The following ELOVL5 variants were observed in gnomAD, a reference collection of about 807,000 sequenced individuals.
The protein encoded by ELOVL5 is ELOVL fatty acid elongase 5.
In ELOVL5, 8 loss-of-function variants were observed where a neutral mutation model predicts 38.6. The observed-to-expected ratio is 0.21, with a 90% CI of 0.12 to 0.37. The LOEUF (loss-of-function observed/expected upper bound fraction) is 0.37, where lower values mean the gene tolerates loss of function less well. ELOVL5 is among the 10% of genes least tolerant of loss of function. The pLI is 1.00. For missense variants in ELOVL5, 280 were observed against 367.8 expected, an observed-to-expected ratio of 0.76 and a Z score of 1.95; for synonymous variants, 127 against 133.7, an observed-to-expected ratio of 0.95 and a Z score of 0.34.
chr6:53,286,190 G>C (rs1275050629), intron 3 of ELOVL5, among the ~76,000 whole-genome samples: 1 of 152,100 alleles, frequency 6.6e-6, no homozygotes, highest in African/African-American at 2.4e-5. Context: ...GCATTTATCT[G>C]GTCAAAAAAC....
intron 1 of ELOVL5, among the ~76,000 whole-genome samples, chr6:53,308,601 T>C (rs539454426): frequency 4.2e-4 from 64 of 152,298 alleles, no homozygotes; most frequent in African/African-American, 1.1e-3. Flanking sequence ...TCTAATTCAA[T>C]AGATGCTAGG....
intron 1 of ELOVL5, among the ~76,000 whole-genome samples, chr6:53,301,485 T>G (rs1037271159): frequency 2.6e-5 from 4 of 152,294 alleles, no homozygotes; most frequent in African/African-American, 4.8e-5. Context: ...TGGCCAGCAC[T>G]TCCCAGGAAA....
chr6:53,276,682 A>G (rs906643290), intron 3 of ELOVL5, among the ~76,000 whole-genome samples: 3 of 152,030 alleles, frequency 2.0e-5, no homozygotes, highest in Admixed American at 6.5e-5. Context: ...GTGAGTTAGT[A>G]AAACATGGGT....
At chr6:53,317,018 C>T (rs1328035142) in intron 1 of ELOVL5, among the ~76,000 whole-genome samples, 1 of 152,136 alleles carries the variant, frequency 6.6e-6, no homozygotes, top group Non-Finnish European at 1.5e-5. Context: ...ATAAATTGTA[C>T]ATTAAGTTCA....
At chr6:53,288,666 C>T (rs1354187204) in intron 3 of ELOVL5, among the ~76,000 whole-genome samples, 5 of 152,140 alleles carry the variant, frequency 3.3e-5, no homozygotes, top group African/African-American at 1.2e-4. Flanking sequence ...ATTTTAAACT[C>T]GGTTTCACAG....
At chr6:53,294,527 G>C (rs756825892) in intron 2 of ELOVL5, 5 of 1,534,324 alleles carry the variant, frequency 3.3e-6, no homozygotes, top group Admixed American at 4.0e-5. Flanking sequence ...CAAGAACAAG[G>C]ATCCTTGGTT....
chr6:53,305,143 C>T (rs191325210), intron 1 of ELOVL5, among the ~76,000 whole-genome samples: 9,027 of 143,054 alleles, frequency 0.063, 589 homozygotes, highest in Admixed American at 0.22. Flanking sequence ...GGCGGCTCGC[C>T]GGGCAGGGGG....
chr6:53,295,763 G>T, intron 1 of ELOVL5, 56 bp from the exon 2 acceptor site: 1 of 1,081,218 alleles, frequency 9.2e-7, no homozygotes, highest in Non-Finnish European at 1.3e-6. Flanking sequence ...TTTTTATACA[G>T]TATTTTTTCA....
Position 53,302,700 on chromosome 6 carries a change from C to A in ELOVL5, c.-8-6993G>T, listed in dbSNP as rs149817145. 7.0e-3 allele frequency among the ~76,000 whole-genome samples: 976 copies of A among 140,168 alleles called. 10 individuals carry two copies. The highest frequency in any genetic ancestry group is 0.036 in the Middle Eastern group (10 of 278). The allele number at this position is 140,168 out of a possible 152,430, so 92.0% of individuals were successfully genotyped here. ...ATTAAAGAAAAGTTTATTTCCTAAACCCACAACCAGGCTGTTTGCTGACTC... is the reference window on the plus strand; with the variant it reads ...ATTAAAGAAAAGTTTATTTCCTAAAACCACAACCAGGCTGTTTGCTGACTC... On this transcript the variant is annotated intron_variant, in intron 1 of 7. Coordinates refer to ENST00000304434, the MANE Select transcript of ELOVL5 (RefSeq NM_021814.5).
chr6:53,317,824 CA>C (rs1053280806), intron 1 of ELOVL5, among the ~76,000 whole-genome samples: 53 of 128,996 alleles, frequency 4.1e-4, no homozygotes, highest in African/African-American at 1.1e-3. Flanking sequence ...AAGATGAGAA[CA>C]AAAAAAAATT....
chr6:53,287,748 T>G, intron 3 of ELOVL5: 1 of 881,624 alleles, frequency 1.1e-6, no homozygotes, highest in Non-Finnish European at 1.8e-6. Context: ...GAGCTCAGCA[T>G]AACAGATCGG....
intron 1 of ELOVL5, among the ~76,000 whole-genome samples, chr6:53,329,844 A>C (rs770635268): frequency 1.3e-5 from 2 of 152,158 alleles, no homozygotes; most frequent in African/African-American, 4.8e-5. Flanking sequence ...AAGAAATAAA[A>C]AAGAGAGAAT....
At position 53,317,838 on chromosome 6, in the gene ELOVL5, AAAAAAT is replaced by A. The variant is rs1425927829; in HGVS notation, c.-8-22137_-8-22132del. 3.7e-3 allele frequency among the ~76,000 whole-genome samples: 553 copies of A among 151,394 alleles called. 7 individuals are homozygous for A. The highest frequency in any genetic ancestry group is 0.013 in the African/African-American group (523 of 41,108). ...AAAGATGAGAACAAAAAAAAATTAA[AAAAAAT>A]AAAATAAAATAAAATAAAAACCTAA... On this transcript the variant is annotated intron_variant, in intron 1 of 7. Transcript: ENST00000304434.
intron 3 of ELOVL5, chr6:53,287,726 G>A (rs1766625096): frequency 1.4e-6 from 1 of 710,832 alleles, no homozygotes; most frequent in South Asian, 1.7e-5. Context: ...TGGTGTTGCT[G>A]GGGTTTGAGT....
At chr6:53,317,352 T>C (rs1768092720) in intron 1 of ELOVL5, among the ~76,000 whole-genome samples, 1 of 152,222 alleles carries the variant, frequency 6.6e-6, no homozygotes, top group Non-Finnish European at 1.5e-5. Flanking sequence ...CACGTATGTT[T>C]ATTGTGGCAC....
intron 1 of ELOVL5, among the ~76,000 whole-genome samples, chr6:53,329,420 C>T (rs1768690927): frequency 1.3e-5 from 2 of 152,100 alleles, no homozygotes; most frequent in Non-Finnish European, 2.9e-5. Flanking sequence ...TAGATATAAT[C>T]CACATAAACA....
At chr6:53,322,095 T>C (rs188372289) in intron 1 of ELOVL5, among the ~76,000 whole-genome samples, 115 of 152,346 alleles carry the variant, frequency 7.5e-4, no homozygotes, top group South Asian at 3.9e-3. Context: ...AGAACAAGTA[T>C]GGATTTTAAA....
intron 1 of ELOVL5, among the ~76,000 whole-genome samples, chr6:53,345,582 A>C (rs1257624870): frequency 6.6e-6 from 1 of 152,268 alleles, no homozygotes; most frequent in African/African-American, 2.4e-5. Flanking sequence ...CTCACACCCA[A>C]AATCAGTAAC....
chr6:53,335,703 A>G (rs1044854005), intron 1 of ELOVL5, among the ~76,000 whole-genome samples: 3 of 152,146 alleles, frequency 2.0e-5, no homozygotes, highest in Non-Finnish European at 4.4e-5. Context: ...CAAACTCTAT[A>G]AACAGTAGCA....
Sources: allele counts gnomAD v4.1 joint callset (sites outside exome capture counted in the v4.1 genomes callset), GRCh38; gene constraint gnomAD v4.1.1; transcripts MANE v1.5; gene names NCBI Gene and HGNC (gene_info 2026-07-23, HGNC 2026-07-21).